The following PHKB variants were observed in gnomAD, a reference collection of about 807,000 sequenced individuals.
PHKB encodes phosphorylase kinase regulatory subunit beta, also known as phosphorylase b kinase regulatory subunit beta.
A neutral mutation model predicts 152.1 loss-of-function variants in PHKB; 122 were observed. The ratio of observed to expected loss-of-function variants is 0.80; its 90% CI spans 0.69 to 0.93. The LOEUF (loss-of-function observed/expected upper bound fraction) is 0.93. Among genes scored for constraint, PHKB ranks in the 40% least tolerant of loss-of-function variants. PHKB has a pLI of 0.00. For synonymous variants in PHKB, 436 were observed against 464.9 expected (o/e 0.94, Z 0.80); for missense variants, 1,304 against 1,328.4 (o/e 0.98, Z 0.29).
chr16:47,482,883 A>G (rs1163494966), intron 1 of PHKB, among the ~76,000 whole-genome samples: 4 of 150,914 alleles, frequency 2.7e-5, no homozygotes, highest in African/African-American at 9.8e-5. Context: ...ACCATGCCTG[A>G]CTAAATTTTG....
intron 1 of PHKB, among the ~76,000 whole-genome samples, chr16:47,474,728 G>GTT (rs201052300): frequency 2.8e-5 from 4 of 143,388 alleles, no homozygotes; most frequent in Admixed American, 7.0e-5. Context: ...CTATTTTCTT[G>GTT]TTTTTTTTTT....
chr16:47,639,842 T>A (rs1472180566), intron 14 of PHKB, among the ~76,000 whole-genome samples: 1 of 152,184 alleles, frequency 6.6e-6, no homozygotes, highest in Admixed American at 6.5e-5. Context: ...AAATACTAGA[T>A]CTCATCCAAG....
chr16:47,687,761 A>G (rs1293433450), intron 26 of PHKB, among the ~76,000 whole-genome samples: 1 of 152,180 alleles, frequency 6.6e-6, no homozygotes, highest in Admixed American at 6.5e-5. Context: ...ACAACAAACA[A>G]TAGGGGAGAA....
chr16:47,574,337 C>A (rs1406221770), intron 7 of PHKB, among the ~76,000 whole-genome samples: 2 of 152,168 alleles, frequency 1.3e-5, no homozygotes, highest in Admixed American at 6.5e-5. Context: ...AGTCTCCCCG[C>A]TTTCACACCC....
At chr16:47,590,752 G>C (rs1338447683) in intron 10 of PHKB, 1 of 151,788 alleles carries the variant, frequency 6.6e-6, no homozygotes, top group Non-Finnish European at 1.5e-5. Context: ...AGCACTGTGG[G>C]TAGGAGCTGC....
At chr16:47,692,001 G>T (rs1393588302) in intron 27 of PHKB, among the ~76,000 whole-genome samples, 2 of 152,164 alleles carry the variant, frequency 1.3e-5, no homozygotes, top group Non-Finnish European at 2.9e-5. Flanking sequence ...AGGCAGTGGG[G>T]TATCCAGTTA....
intron 28 of PHKB, 48 bp from the exon 29 acceptor site, chr16:47,696,333 A>G: frequency 2.2e-6 from 2 of 907,376 alleles, no homozygotes; most frequent in South Asian, 1.3e-5. Context: ...TTAAATGAGA[A>G]CCAGAGCATA....
chr16:47,570,644 T>G (rs1174053608), intron 7 of PHKB, among the ~76,000 whole-genome samples: 1 of 151,972 alleles, frequency 6.6e-6, no homozygotes, highest in Non-Finnish European at 1.5e-5. Context: ...GTTTTTTTTT[T>G]AATATCGACC....
chr16:47,634,126 T>C lies in PHKB; in HGVS notation c.1459-6909T>C, dbSNP rs150430056. ...GCTTATATATTATGTATTATTCTCA[T>C]AACCCTAGGAAATAGTTATTTTTAT... is the stretch of plus-strand genomic sequence containing the variant. On this transcript the variant is annotated intron_variant, in intron 14 of 30. Coordinates refer to ENST00000323584, the MANE Select transcript of PHKB (RefSeq NM_000293.3). Among the ~76,000 whole-genome samples the C allele has an allele frequency of 6.2e-3, 944 of 152,348 alleles. 6 individuals are homozygous for C. Among genetic ancestry groups the C allele is most frequent in the Middle Eastern group, 0.014 (4 of 294 alleles).
chr16:47,534,180 C>T (rs904644884), intron 6 of PHKB, among the ~76,000 whole-genome samples: 4 of 152,244 alleles, frequency 2.6e-5, no homozygotes, highest in African/African-American at 9.6e-5. Context: ...GGCGTGATAA[C>T]AGCAGCCACT....
At chr16:47,646,532 A>G (rs1973127623) in intron 16 of PHKB, among the ~76,000 whole-genome samples, 1 of 139,052 alleles carries the variant, frequency 7.2e-6, no homozygotes, top group Admixed American at 6.9e-5. Context: ...GAGTATAATA[A>G]AAAAAAAAAA....
chr16:47,635,124 T>C (rs967214899), intron 14 of PHKB, among the ~76,000 whole-genome samples: 6 of 152,124 alleles, frequency 3.9e-5, no homozygotes, highest in African/African-American at 7.2e-5. Flanking sequence ...TGAGACATAT[T>C]TTGGAGGTAG....
At chr16:47,661,547 CGTT>C (rs1567345950) in intron 22 of PHKB, among the ~76,000 whole-genome samples, 169 bp from the exon 23 acceptor site, 1 of 152,120 alleles carries the variant, frequency 6.6e-6, no homozygotes, top group Non-Finnish European at 1.5e-5. Context: ...AAATATGAAT[CGTT>C]GTATAATGTC....
At chr16:47,690,008 A>G (rs1467333390) in intron 27 of PHKB, among the ~76,000 whole-genome samples, 2 of 152,248 alleles carry the variant, frequency 1.3e-5, no homozygotes, top group Non-Finnish European at 2.9e-5. Flanking sequence ...AACATAAAAG[A>G]AGGACTTGCC....
intron 4 of PHKB, chr16:47,505,391 G>C (rs1352115810): frequency 6.6e-6 from 1 of 152,298 alleles, no homozygotes; most frequent in African/African-American, 2.4e-5. Flanking sequence ...GTCAGAGTGG[G>C]TGGGGGTGGG....
intron 4 of PHKB, among the ~76,000 whole-genome samples, chr16:47,510,279 TCACCAG>T (rs928669776): frequency 6.6e-6 from 1 of 152,164 alleles, no homozygotes; most frequent in African/African-American, 2.4e-5. Flanking sequence ...ATTGACTCAA[TCACCAG>T]CTTTTCCTTT....
chr16:47,534,349 G>T (rs889392745), intron 6 of PHKB, among the ~76,000 whole-genome samples: 2 of 152,184 alleles, frequency 1.3e-5, no homozygotes, highest in Non-Finnish European at 2.9e-5. Flanking sequence ...TGGCTGCCAG[G>T]AGTCTTGTCC....
chr16:47,632,731 G>A (rs555179473), intron 14 of PHKB, among the ~76,000 whole-genome samples: 52 of 152,256 alleles, frequency 3.4e-4, no homozygotes, highest in African/African-American at 9.9e-4. Flanking sequence ...GCAAGGAAAA[G>A]AAACACTATT....
chr16:47,553,350 T>C (rs1353394779), intron 7 of PHKB, among the ~76,000 whole-genome samples: 1 of 152,068 alleles, frequency 6.6e-6, no homozygotes, highest in Non-Finnish European at 1.5e-5. Flanking sequence ...TGTGTATGTG[T>C]CATGAAGTTC....
Sources: gnomAD v4.1 joint callset for allele counts (sites outside exome capture counted in the v4.1 genomes callset) on GRCh38, gnomAD v4.1.1 for gene constraint, MANE v1.5 for transcripts, NCBI Gene and HGNC (gene_info 2026-07-23, HGNC 2026-07-21) for gene names.